Variants in PLXNA4 observed in about 807,000 individuals in gnomAD.
PLXNA4 encodes the protein plexin A4, also known as plexin-A4.
A neutral mutation model predicts 191.8 loss-of-function variants in PLXNA4; 44 were observed. The observed-to-expected ratio is 0.23, with a 90% CI of 0.18 to 0.29. PLXNA4 has a LOEUF of 0.29. Ranked by LOEUF, PLXNA4 falls within the 10% of genes least tolerant of loss-of-function variation. The pLI is 1.00. For synonymous variants in PLXNA4, 1,082 were observed against 1,009.5 expected, an observed-to-expected ratio of 1.07 and a Z score of -1.36; for missense variants, 1,800 against 2,488.8, an observed-to-expected ratio of 0.72 and a Z score of 5.89.
chr7:132,617,806 T>G (rs1196211486), intron 2 of PLXNA4, among the ~76,000 whole-genome samples: 12 of 152,224 alleles, frequency 7.9e-5, no homozygotes, highest in Admixed American at 7.9e-4. Flanking sequence ...TTTCTCCAGC[T>G]ACCAGAATAG....
At chr7:132,180,078 C>T (rs1047205142) in intron 19 of PLXNA4, among the ~76,000 whole-genome samples, 157 bp from the exon 20 acceptor site, 4 of 152,118 alleles carry the variant, frequency 2.6e-5, no homozygotes, top group African/African-American at 9.7e-5. Flanking sequence ...GGGCTGGGAG[C>T]GGGGACAGGC....
rs746335397 is a variant in PLXNA4 at position 132,370,233 on chromosome 7, G to A, written c.1372-72011C>T. On this transcript the variant is annotated intron_variant, in intron 3 of 31. Transcript: ENST00000321063. ...TAGAAAATCCAGGTACATTCCTCCC[G>A]AAATGCTGTTCTGGTGAGTGGATGC... is the stretch of plus-strand genomic sequence containing the variant. Among the ~76,000 whole-genome samples, 4 of 152,210 alleles carry A rather than the reference G, an allele frequency of 2.6e-5. No homozygotes were observed. The South Asian group carries it at 6.2e-4, about 24-fold the overall frequency.
intron 2 of PLXNA4, among the ~76,000 whole-genome samples, chr7:132,500,842 T>C (rs984909834): frequency 6.6e-6 from 1 of 152,176 alleles, no homozygotes; most frequent in Non-Finnish European, 1.5e-5. Flanking sequence ...TTCTTGAAGA[T>C]AAAATGTGTG....
At chr7:132,538,050 T>A (rs559108290) in intron 1 of PLXNA4, among the ~76,000 whole-genome samples, 1 of 152,298 alleles carries the variant, frequency 6.6e-6, no homozygotes, top group African/African-American at 2.4e-5. Context: ...AAGAAAAGGA[T>A]CAGACAATCG....
chr7:132,386,299 G>A (rs1292659842), intron 3 of PLXNA4, among the ~76,000 whole-genome samples: 2 of 152,148 alleles, frequency 1.3e-5, no homozygotes, highest in African/African-American at 2.4e-5. Context: ...GGAGAACACC[G>A]GGCTGTGTTT....
At chr7:132,596,650 A>G (rs1057093508) in intron 2 of PLXNA4, among the ~76,000 whole-genome samples, 6 of 152,218 alleles carry the variant, frequency 3.9e-5, no homozygotes, top group African/African-American at 4.8e-5. Context: ...GACTGCTTGC[A>G]TGAATTAAAT....
rs1208759016 is a variant in PLXNA4, at chr7:132,561,573, C to CT, written c.-87+14848_-87+14849insA. On this transcript the variant is annotated intron_variant, in intron 1 of 31. Transcript: ENST00000321063. ...TCCTCCTCCTTCTCCTCCTCCTTTCCCCTCCTCCTCTTCCTCCTTCTCTTC... is the reference window on the plus strand; with the variant it reads ...TCCTCCTCCTTCTCCTCCTCCTTTCCTCCTCCTCCTCTTCCTCCTTCTCTTC... Among the ~76,000 whole-genome samples the CT allele has an allele frequency of 4.9e-3, 396 of 81,030 alleles. 14 individuals carry two copies. The highest frequency in any genetic ancestry group is 0.02 in the African/African-American group (369 of 18,710). 53.2% of individuals were successfully genotyped at this position (81,030 alleles called of 152,430 possible).
intron 3 of PLXNA4, among the ~76,000 whole-genome samples, chr7:132,488,278 A>T (rs1797642606): frequency 6.6e-6 from 1 of 152,202 alleles, no homozygotes; most frequent in Admixed American, 6.5e-5. Flanking sequence ...ACATTGTTGG[A>T]TGGTAAAATA....
intron 3 of PLXNA4, among the ~76,000 whole-genome samples, chr7:132,366,630 A>T (rs1358410980): frequency 6.6e-6 from 1 of 152,252 alleles, no homozygotes; most frequent in African/African-American, 2.4e-5. Context: ...TGGGAAGAAG[A>T]GGAATGACTG....
At chr7:132,321,188 T>G (rs1303690542) in intron 3 of PLXNA4, among the ~76,000 whole-genome samples, 3 of 152,156 alleles carry the variant, frequency 2.0e-5, no homozygotes, top group Non-Finnish European at 2.9e-5. Context: ...TCCCTCTGAC[T>G]CTTTCTCCTG....
intron 3 of PLXNA4, among the ~76,000 whole-genome samples, chr7:132,378,508 G>A: frequency 6.6e-6 from 1 of 152,166 alleles, no homozygotes; most frequent in South Asian, 2.1e-4. Context: ...GCATGTCATA[G>A]TTCTGAGGAT....
chr7:132,203,360 A>G lies in PLXNA4; in HGVS notation c.2358T>C (p.Asn786=), dbSNP rs1380350935. The G allele has an allele frequency of 1.2e-6, 2 of 1,613,836 alleles. No individual in the cohort carries two copies. Among genetic ancestry groups the G allele is most frequent in the Non-Finnish European group, 1.7e-6 (2 of 1,179,926 alleles). ...NLPVELTVVW[N]GHFNIDNPAQ... is the part of the protein sequence containing the mutation. ...CTGGGTTGTCAATGTTGAAGTGCCC[A>G]TTCCACACGACTGTCAACTCCACGG... The change falls in exon 11 of 32, where the codon AAT becomes AAC. Residue 786 remains asparagine, a synonymous_variant. Transcript: ENST00000321063.
chr7:132,251,380 A>G (rs1562992058), intron 4 of PLXNA4, among the ~76,000 whole-genome samples: 2 of 152,092 alleles, frequency 1.3e-5, no homozygotes, highest in Non-Finnish European at 2.9e-5. Flanking sequence ...AGCCTGCTCA[A>G]TGGGAGCCTT....
rs17852615 is a variant in PLXNA4, at chr7:132,484,961, T to A, written c.1371+4331A>T. On this transcript the variant is annotated intron_variant, in intron 3 of 31. Transcript: ENST00000321063. ...AATGTTCGCCCCAGGTGGGTCTCCC[T>A]CCACTCCAATCCACTCCTGGGTGAT... 3 of 1,614,012 alleles carry A rather than the reference T, an allele frequency of 1.9e-6. No individual in the cohort carries two copies. The African/African-American group carries it at 4.0e-5, about 22-fold the overall frequency.
chr7:132,133,017 T>G (rs1563048956), intron 31 of PLXNA4, 32 bp downstream of exon 31: 2 of 1,602,768 alleles, frequency 1.2e-6, no homozygotes, highest in Non-Finnish European at 1.7e-6. Flanking sequence ...CCCCCTTCCA[T>G]CCCAATGGGC....
At chr7:132,591,936 C>T (rs1339880602) in intron 2 of PLXNA4, among the ~76,000 whole-genome samples, 1 of 152,186 alleles carries the variant, frequency 6.6e-6, no homozygotes, top group African/African-American at 2.4e-5. Context: ...GCTACCACAA[C>T]CCCCAGCATC....
At chr7:132,639,955 A>T (rs1240068981) in intron 2 of PLXNA4, among the ~76,000 whole-genome samples, 1 of 152,210 alleles carries the variant, frequency 6.6e-6, no homozygotes, top group African/African-American at 2.4e-5. Context: ...CAGGTTCCTC[A>T]TCTGTGAGTC....
At chr7:132,429,727 G>C (rs559026867) in intron 3 of PLXNA4, among the ~76,000 whole-genome samples, 1 of 152,282 alleles carries the variant, frequency 6.6e-6, no homozygotes, top group East Asian at 1.9e-4. Flanking sequence ...AAGACTTTGT[G>C]CTTCTCTGAT....
At chr7:132,294,782 T>C (rs35552790) in intron 4 of PLXNA4, among the ~76,000 whole-genome samples, 99,559 of 152,072 alleles carry the variant, frequency 0.65, 34,541 homozygotes, top group African/African-American at 0.88. Flanking sequence ...CTAATCCAAT[T>C]TGACTGGTGC....
Sources: gnomAD v4.1 joint callset for allele counts (sites outside exome capture counted in the v4.1 genomes callset) on GRCh38, gnomAD v4.1.1 for gene constraint, MANE v1.5 for transcripts, NCBI Gene and HGNC (gene_info 2026-07-23, HGNC 2026-07-21) for gene names.